VPS13C: variants seen among roughly 807,000 people sequenced by gnomAD.
VPS13C encodes the protein vacuolar protein sorting 13 homolog C.
Under a neutral mutation model 456.8 loss-of-function variants are expected in VPS13C, and 358 were observed. That is an observed-to-expected ratio of 0.78 (90% CI 0.72 to 0.86). VPS13C has a LOEUF of 0.86. VPS13C is among the 40% of genes least tolerant of loss of function. The pLI, the probability that VPS13C is intolerant of heterozygous loss-of-function variation, is 0.00. For missense variants in VPS13C, 4,818 were observed against 4,385.4 expected (o/e 1.10, Z -2.79); for synonymous variants, 1,578 against 1,486.7 (o/e 1.06, Z -1.41).
At chr15:61,891,122 T>C (rs1247424783) in intron 66 of VPS13C, among the ~76,000 whole-genome samples, 3 of 152,168 alleles carry the variant, frequency 2.0e-5, no homozygotes, top group Non-Finnish European at 4.4e-5. Flanking sequence ...ATCTATAACA[T>C]AGGAAATATT....
chr15:61,885,187 T>C (rs1292095181), intron 67 of VPS13C, among the ~76,000 whole-genome samples: 1 of 152,118 alleles, frequency 6.6e-6, no homozygotes, highest in Non-Finnish European at 1.5e-5. Context: ...CTACCTGAGA[T>C]TCAAACATTA....
At chr15:61,913,545 AT>A in intron 61 of VPS13C, 130 bp from the exon 62 acceptor site, 1 of 697,258 alleles carries the variant, frequency 1.4e-6, no homozygotes, top group South Asian at 2.2e-5. Context: ...AATCAAAGCC[AT>A]ATTGCAAACA....
At chr15:61,976,484 A>G (rs1304815040) in intron 24 of VPS13C, among the ~76,000 whole-genome samples, 5 of 152,024 alleles carry the variant, frequency 3.3e-5, no homozygotes, top group Admixed American at 2.6e-4. Flanking sequence ...GGACTGGGGG[A>G]AGAGAAATTT....
intron 72 of VPS13C, 43 bp downstream of exon 72, chr15:61,880,800 T>G: frequency 6.4e-7 from 1 of 1,560,694 alleles, no homozygotes; most frequent in South Asian, 1.2e-5. Flanking sequence ...CTGATTTAAA[T>G]TTTGTTAATT....
intron 51 of VPS13C, 37 bp downstream of exon 51, chr15:61,929,464 T>C: frequency 1.9e-6 from 3 of 1,573,294 alleles, no homozygotes; most frequent in South Asian, 1.2e-5. Flanking sequence ...TGTCAAAATA[T>C]ACAAGTTGTC....
chr15:62,031,473 T>C (rs2047818522), intron 5 of VPS13C, among the ~76,000 whole-genome samples: 1 of 152,022 alleles, frequency 6.6e-6, no homozygotes, highest in Non-Finnish European at 1.5e-5. Flanking sequence ...GTGACTCATA[T>C]CCACAGAAAT....
chr15:61,989,191 G>C (rs2046148595), intron 18 of VPS13C, among the ~76,000 whole-genome samples: 1 of 149,258 alleles, frequency 6.7e-6, no homozygotes, highest in Admixed American at 6.7e-5. Flanking sequence ...AGGAGTTTGA[G>C]ACCAGCCTGG....
chr15:62,046,944 T>A (rs956579533), intron 1 of VPS13C, among the ~76,000 whole-genome samples: 1 of 152,182 alleles, frequency 6.6e-6, no homozygotes, highest in Admixed American at 6.5e-5. Context: ...TTTTTATTGA[T>A]GTTTTTCAGT....
At chr15:62,012,851 T>G (rs1175357251) in intron 11 of VPS13C, among the ~76,000 whole-genome samples, 188 bp downstream of exon 11, 1 of 151,922 alleles carries the variant, frequency 6.6e-6, no homozygotes, top group Non-Finnish European at 1.5e-5. Context: ...TTCACAAACA[T>G]CTTCAAAAAC....
Position 61,864,934 on chromosome 15 carries a change from C to A in VPS13C, c.10864-1406G>T, listed in dbSNP as rs772901685. 1.2e-4 allele frequency: 121 copies of A among 976,534 alleles called. 1 individual carries two copies. The highest frequency in any genetic ancestry group is 1.5e-4 in the Non-Finnish European group (121 of 822,214). The allele number at this position is 976,534 out of a possible 1,614,324, so 60.5% of individuals were successfully genotyped here. A position where few individuals can be genotyped will look rare whatever the true frequency, so the allele number is the denominator to read the frequency against. On this transcript the variant is annotated intron_variant, in intron 81 of 84. Transcript: ENST00000644861. ...AAATGCAAGTACAAGAAATACTACCCACTTTCTATCTTGTATGTATTTTCG... is the reference window on the plus strand; with the variant it reads ...AAATGCAAGTACAAGAAATACTACCAACTTTCTATCTTGTATGTATTTTCG...
chr15:61,861,256 AC>A (rs1053555893), intron 82 of VPS13C, among the ~76,000 whole-genome samples: 5 of 151,772 alleles, frequency 3.3e-5, no homozygotes, highest in Non-Finnish European at 5.9e-5. Context: ...AAGCCACCAC[AC>A]CCAGCCTATT....
chr15:61,939,718 A>G (rs1024698583), intron 47 of VPS13C, among the ~76,000 whole-genome samples: 1 of 152,160 alleles, frequency 6.6e-6, no homozygotes, highest in African/African-American at 2.4e-5. Flanking sequence ...CTGTGGCCGG[A>G]GCACGGTGGC....
Position 62,058,101 on chromosome 15 carries a change from T to G in VPS13C, c.100+2174A>C, listed in dbSNP as rs567017786. 8.5e-5 allele frequency among the ~76,000 whole-genome samples: 13 copies of G among 152,360 alleles called. No homozygotes were observed. The East Asian group carries it at 2.5e-3, about 29-fold the overall frequency. ...ACTTTTCAGAATTTAAAAATATTTT[T>G]TCTATAAAGTTTAAATTAAGATGAA... On this transcript the variant is annotated intron_variant, in intron 1 of 84. Coordinates refer to ENST00000644861, the MANE Select transcript of VPS13C (RefSeq NM_020821.3).
At chr15:62,027,348 T>C (rs1009263822) in intron 6 of VPS13C, among the ~76,000 whole-genome samples, 1 of 152,134 alleles carries the variant, frequency 6.6e-6, no homozygotes, top group Non-Finnish European at 1.5e-5. Flanking sequence ...GGTTTGATTA[T>C]AACCTACAAA....
At chr15:62,005,176 C>T (rs542039103) in intron 15 of VPS13C, among the ~76,000 whole-genome samples, 1 of 152,100 alleles carries the variant, frequency 6.6e-6, no homozygotes, top group Non-Finnish European at 1.5e-5. Flanking sequence ...GTAGGTCACT[C>T]AGGACTTGCT....
At chr15:62,057,483 G>A (rs756756737) in intron 1 of VPS13C, among the ~76,000 whole-genome samples, 9 of 152,154 alleles carry the variant, frequency 5.9e-5, no homozygotes, top group Non-Finnish European at 1.3e-4. Context: ...ACAACAGACT[G>A]TGCAATAATG....
At chr15:61,957,926 C>T (rs2045062360) in intron 37 of VPS13C, among the ~76,000 whole-genome samples, 1 of 151,772 alleles carries the variant, frequency 6.6e-6, no homozygotes, top group African/African-American at 2.4e-5. Context: ...CACCAAGATA[C>T]ACTGTTAATA....
At chr15:62,048,211 C>T (rs1412740296) in intron 1 of VPS13C, among the ~76,000 whole-genome samples, 1 of 149,576 alleles carries the variant, frequency 6.7e-6, no homozygotes, top group African/African-American at 2.5e-5. Context: ...CCCATTAACT[C>T]GTCATTTAGC....
chr15:62,011,301 T>C (rs28410914), intron 12 of VPS13C, among the ~76,000 whole-genome samples: 1 of 152,116 alleles, frequency 6.6e-6, no homozygotes, highest in African/African-American at 2.4e-5. Context: ...TAGTTATAAA[T>C]GGAAAATGCC....
Sources: allele counts gnomAD v4.1 joint callset (sites outside exome capture counted in the v4.1 genomes callset), GRCh38; gene constraint gnomAD v4.1.1; transcripts MANE v1.5; gene names NCBI Gene and HGNC (gene_info 2026-07-23, HGNC 2026-07-21).